Variants in PRKCB observed in about 807,000 individuals in gnomAD.
PRKCB encodes protein kinase C beta.
PRKCB carries 13 observed loss-of-function variants against 81.5 expected under a neutral mutation model. That is an observed-to-expected ratio of 0.16 (90% CI 0.10 to 0.25). PRKCB has a LOEUF of 0.25. Among genes scored for constraint, PRKCB ranks in the 10% least tolerant of loss-of-function variants. The probability of loss-of-function intolerance (pLI) is 1.00; values close to 1 mark genes in which losing one functional copy is unlikely to be tolerated. For synonymous variants in PRKCB, 335 were observed against 321.4 expected, an observed-to-expected ratio of 1.04 and a Z score of -0.45; for missense variants, 509 against 875.7, an observed-to-expected ratio of 0.58 and a Z score of 5.29.
chr16:24,198,254 G>A (rs1268845911), intron 16 of PRKCB, among the ~76,000 whole-genome samples: 12 of 152,244 alleles, frequency 7.9e-5, no homozygotes, highest in Admixed American at 7.9e-4. Flanking sequence ...GCCTAATGGA[G>A]AGTTTGGTGG....
At chr16:24,115,241 AT>A (rs1419243798) in intron 8 of PRKCB, among the ~76,000 whole-genome samples, 15 of 142,688 alleles carry the variant, frequency 1.1e-4, no homozygotes, top group Non-Finnish European at 1.8e-4. Context: ...TTTAGCATTT[AT>A]CCCAAGAGTA....
At chr16:23,945,947 G>T (rs183485616) in intron 2 of PRKCB, among the ~76,000 whole-genome samples, 3 of 152,068 alleles carry the variant, frequency 2.0e-5, no homozygotes, top group African/African-American at 7.3e-5. Flanking sequence ...TATATATTGG[G>T]CAACGACTAA....
At chr16:24,119,128 C>CT (rs10711558) in intron 8 of PRKCB, among the ~76,000 whole-genome samples, 110 of 147,912 alleles carry the variant, frequency 7.4e-4, no homozygotes, top group Middle Eastern at 3.4e-3. Flanking sequence ...TATCAGACTT[C>CT]TTTTTTTTTT....
At chr16:24,185,402 A>G (rs746122122) in intron 14 of PRKCB, 58 bp from the exon 15 acceptor site, 9 of 1,490,524 alleles carry the variant, frequency 6.0e-6, no homozygotes, top group Middle Eastern at 3.5e-4. Context: ...AGTTGAGGGG[A>G]GCTAGGGGGA....
intron 12 of PRKCB, among the ~76,000 whole-genome samples, chr16:24,178,782 C>T (rs1452649967): frequency 6.6e-6 from 1 of 152,110 alleles, no homozygotes; most frequent in African/African-American, 2.4e-5. Flanking sequence ...AATAAGGAGA[C>T]CCCACAGACA....
At chr16:24,164,448 G>C (rs894358294) in intron 10 of PRKCB, among the ~76,000 whole-genome samples, 1 of 152,216 alleles carries the variant, frequency 6.6e-6, no homozygotes, top group African/African-American at 2.4e-5. Context: ...GAAGCTTAGA[G>C]GGCAGCGGTA....
chr16:23,906,170 C>G (rs565739056), intron 2 of PRKCB, among the ~76,000 whole-genome samples: 2 of 152,342 alleles, frequency 1.3e-5, no homozygotes, highest in East Asian at 1.9e-4. Context: ...TTCCCTCAGA[C>G]AGCTTGTTCC....
At chr16:23,902,989 C>CTT (rs71988386) in intron 2 of PRKCB, among the ~76,000 whole-genome samples, 8,633 of 138,814 alleles carry the variant, frequency 0.062, 896 homozygotes, top group African/African-American at 0.21. Flanking sequence ...TTTTTCTTTT[C>CTT]TTTTTTTTTT....
chr16:23,842,417 G>A (rs188935002), intron 2 of PRKCB, among the ~76,000 whole-genome samples: 19 of 152,282 alleles, frequency 1.2e-4, no homozygotes, highest in South Asian at 4.1e-4. Context: ...AAAGTGGGAC[G>A]GAGTTCATTC....
intron 2 of PRKCB, among the ~76,000 whole-genome samples, chr16:23,882,002 CTTTCTTTCTTTCTTTCTTT>C (rs1963119774): frequency 2.2e-5 from 2 of 90,246 alleles, no homozygotes; most frequent in Non-Finnish European, 4.5e-5. Flanking sequence ...TTCTTTCTTT[CTTTCTTTCTTTCTTTCTTT>C]CTTCCTTCCT....
At chr16:24,077,449 C>T (rs927844443) in intron 5 of PRKCB, among the ~76,000 whole-genome samples, 1 of 151,628 alleles carries the variant, frequency 6.6e-6, no homozygotes, top group African/African-American at 2.4e-5. Context: ...TACATTCATC[C>T]ATCTAATCCA....
chr16:23,985,196 A>T (rs1179938973), intron 2 of PRKCB, among the ~76,000 whole-genome samples: 1 of 152,032 alleles, frequency 6.6e-6, no homozygotes, highest in African/African-American at 2.4e-5. Context: ...GGTTCAAGCA[A>T]TCTACTGCCT....
intron 2 of PRKCB, among the ~76,000 whole-genome samples, chr16:23,838,832 C>T (rs1397472189): frequency 3.3e-5 from 5 of 152,160 alleles, no homozygotes; most frequent in Admixed American, 3.3e-4. Context: ...CCCAGCCTGT[C>T]TTACCAAGAT....
chr16:23,947,561 G>A (rs1219382606), intron 2 of PRKCB, among the ~76,000 whole-genome samples: 1 of 152,128 alleles, frequency 6.6e-6, no homozygotes, highest in Non-Finnish European at 1.5e-5. Flanking sequence ...ATACCAGCTG[G>A]TTGGTGCATT....
chr16:24,213,979 G>A (rs1186810526), intron 16 of PRKCB, among the ~76,000 whole-genome samples: 1 of 152,186 alleles, frequency 6.6e-6, no homozygotes, highest in Non-Finnish European at 1.5e-5. Flanking sequence ...TAATTGAAGA[G>A]GGAATGGCTG....
intron 9 of PRKCB, among the ~76,000 whole-genome samples, chr16:24,140,724 T>C (rs1339171941): frequency 6.6e-6 from 1 of 152,200 alleles, no homozygotes; most frequent in East Asian, 1.9e-4. Flanking sequence ...AACAGTGATG[T>C]TATCTGTGGG....
At chr16:23,890,878 ACT>A (rs1004135561) in intron 2 of PRKCB, among the ~76,000 whole-genome samples, 1 of 151,952 alleles carries the variant, frequency 6.6e-6, no homozygotes, top group East Asian at 1.9e-4. Flanking sequence ...CACCTGTAAG[ACT>A]CTGATCAAAT....
At chr16:24,055,181 G>A (rs750023496) in intron 5 of PRKCB, among the ~76,000 whole-genome samples, 7 of 152,220 alleles carry the variant, frequency 4.6e-5, no homozygotes, top group Non-Finnish European at 7.3e-5. Flanking sequence ...GAAGCTGACC[G>A]TTCCTTTCAC....
chr16:24,068,650 A>G, intron 5 of PRKCB, among the ~76,000 whole-genome samples: 2 of 152,362 alleles, frequency 1.3e-5, no homozygotes, highest in South Asian at 4.1e-4. Flanking sequence ...TATAAAATAC[A>G]AAATAGATTT....
Sources: gnomAD v4.1 joint callset for allele counts (sites outside exome capture counted in the v4.1 genomes callset) on GRCh38, gnomAD v4.1.1 for gene constraint, MANE v1.5 for transcripts, NCBI Gene and HGNC (gene_info 2026-07-23, HGNC 2026-07-21) for gene names.